The following PTPRT variants were observed in gnomAD, a reference collection of about 807,000 sequenced individuals.
PTPRT encodes receptor-type tyrosine-protein phosphatase T.
In PTPRT, 56 loss-of-function variants were observed where a neutral mutation model predicts 176.8. That is an observed-to-expected ratio of 0.32 (90% CI 0.26 to 0.40). PTPRT has a LOEUF of 0.40. Among genes scored for constraint, PTPRT ranks in the 10% least tolerant of loss-of-function variants. The probability of loss-of-function intolerance (pLI) is 1.00; values close to 1 mark genes in which losing one functional copy is unlikely to be tolerated. For missense variants in PTPRT, 1,540 were observed against 1,908.2 expected (o/e 0.81, Z 3.60); for synonymous variants, 783 against 739.0 (o/e 1.06, Z -0.96).
rs539714964 is a variant in PTPRT, at chr20:42,704,313, C to T, written c.860-26154G>A. ...CCCAAATCCCTTAACACTGTCTTGC[C>T]GAGACACCCCATGGTTCTCTGTGGT... is the stretch of plus-strand genomic sequence containing the variant. On this transcript the variant is annotated intron_variant, in intron 6 of 30. Coordinates refer to ENST00000373187, the MANE Select transcript of PTPRT (RefSeq NM_007050.6). Among the ~76,000 whole-genome samples the T allele has an allele frequency of 7.9e-5, 12 of 151,940 alleles. 1 individual carries two copies. The South Asian group carries it at 1.7e-3, about 21-fold the overall frequency.
chr20:42,655,695 G>T (rs1204764964), intron 7 of PTPRT, among the ~76,000 whole-genome samples: 1 of 151,520 alleles, frequency 6.6e-6, no homozygotes, highest in East Asian at 1.9e-4. Context: ...GGGTGTAAAG[G>T]CTAAGGATGG....
intron 2 of PTPRT, among the ~76,000 whole-genome samples, chr20:42,838,532 T>C (rs1477846347): frequency 2.0e-5 from 3 of 152,170 alleles, no homozygotes; most frequent in Non-Finnish European, 2.9e-5. Flanking sequence ...GATCCCTGTA[T>C]TGTATGGGCT....
chr20:42,068,692 A>G (rs1982186207), downstream of PTPRT, among the ~76,000 whole-genome samples: 1 of 152,196 alleles, frequency 6.6e-6, no homozygotes, highest in Non-Finnish European at 1.5e-5. Flanking sequence ...ACCACTGATT[A>G]CGATTCTCAT....
At chr20:42,875,323 G>T (rs1034931071) in intron 2 of PTPRT, among the ~76,000 whole-genome samples, 1 of 152,124 alleles carries the variant, frequency 6.6e-6, no homozygotes, top group Admixed American at 6.5e-5. Context: ...CATATCCTCC[G>T]GAATAATTAC....
chr20:42,442,938 C>G (rs1406219336), intron 9 of PTPRT, among the ~76,000 whole-genome samples: 1 of 152,174 alleles, frequency 6.6e-6, no homozygotes, highest in Non-Finnish European at 1.5e-5. Flanking sequence ...TTCCCAAGAG[C>G]TGAGTCAGAA....
At chr20:42,359,989 A>T in intron 9 of PTPRT, among the ~76,000 whole-genome samples, 1 of 152,172 alleles carries the variant, frequency 6.6e-6, no homozygotes, top group East Asian at 1.9e-4. Flanking sequence ...CTGATTTCCA[A>T]TCAATGCCCT....
intron 12 of PTPRT, among the ~76,000 whole-genome samples, chr20:42,298,740 G>T (rs749065956): frequency 9.9e-5 from 15 of 152,104 alleles, no homozygotes; most frequent in Non-Finnish European, 1.5e-4. Flanking sequence ...GGCCAACATG[G>T]TTAAACCCTG....
chr20:42,832,738 A>G (rs1163374991), intron 2 of PTPRT, among the ~76,000 whole-genome samples: 1 of 146,842 alleles, frequency 6.8e-6, no homozygotes, highest in Non-Finnish European at 1.5e-5. Context: ...AAAAGCAAAG[A>G]AAAAAAAACA....
chr20:42,248,708 A>G lies in PTPRT; in HGVS notation c.2291T>C (p.Val764Ala). The G allele has an allele frequency of 6.2e-7, 1 of 1,613,990 alleles. No homozygotes were observed. Among genetic ancestry groups the G allele is most frequent in the Non-Finnish European group, 8.5e-7 (1 of 1,179,922 alleles). Residue 764 changes from valine (V) to alanine (A), a missense_variant, in exon 14 of 31, where the codon GTG (valine) becomes GCG (alanine). Val to Ala is a moderately conservative substitution (Grantham distance 64). Coordinates refer to ENST00000373187, the MANE Select transcript of PTPRT (RefSeq NM_007050.6). ...LLMFIIILLG[V>A]MLTIKRRRNA... Reference sequence around the variant, plus strand: ...TCACCTCCTTTTGATGGTGAGCATCACGCCCAGGAGAATGATGATGAACAT... The same window carrying G: ...TCACCTCCTTTTGATGGTGAGCATCGCGCCCAGGAGAATGATGATGAACAT...
intron 19 of PTPRT, among the ~76,000 whole-genome samples, chr20:42,124,512 G>T (rs1050614695): frequency 1.3e-5 from 2 of 152,182 alleles, no homozygotes; most frequent in East Asian, 3.9e-4. Flanking sequence ...CACGGCCTCC[G>T]GAGGCAGAGA....
At chr20:42,043,410 T>C in the PTPRT span, among the ~76,000 whole-genome samples, 4 of 152,320 alleles carry the variant, frequency 2.6e-5, no homozygotes, top group Non-Finnish European at 4.4e-5. Context: ...CCCTTGCAAT[T>C]ATGTGAGACA....
chr20:42,995,897 G>T (rs1323936691), intron 1 of PTPRT, among the ~76,000 whole-genome samples: 2 of 151,886 alleles, frequency 1.3e-5, no homozygotes. Flanking sequence ...GCTCACTGCA[G>T]CCTCGACTCC....
chr20:42,752,335 C>T (rs11907425), intron 6 of PTPRT, among the ~76,000 whole-genome samples: 4,415 of 152,314 alleles, frequency 0.029, 140 homozygotes, highest in African/African-American at 0.08. Flanking sequence ...ATCCTCATGA[C>T]GCCTTCTGAG....
chr20:42,393,787 T>C (rs1192768614), intron 9 of PTPRT, among the ~76,000 whole-genome samples: 1 of 152,200 alleles, frequency 6.6e-6, no homozygotes, highest in African/African-American at 2.4e-5. Flanking sequence ...GCCCTGTAAT[T>C]TTTAGTGTGC....
chr20:42,703,694 G>C (rs904978295), intron 6 of PTPRT, among the ~76,000 whole-genome samples: 2 of 152,152 alleles, frequency 1.3e-5, no homozygotes, highest in Non-Finnish European at 2.9e-5. Context: ...TCTCAAAGAG[G>C]GAAGGAACTT....
chr20:42,054,997 T>A, the PTPRT span, among the ~76,000 whole-genome samples: 3 of 152,318 alleles, frequency 2.0e-5, no homozygotes, highest in East Asian at 5.8e-4. Context: ...GACGACGAGT[T>A]AGTGGGTGCA....
intron 6 of PTPRT, among the ~76,000 whole-genome samples, chr20:42,692,850 C>T (rs1164672255): frequency 6.6e-6 from 1 of 151,978 alleles, no homozygotes; most frequent in African/African-American, 2.4e-5. Flanking sequence ...TAAAAAGTGC[C>T]ATTTACCCAA....
At chr20:42,529,762 C>T (rs891531227) in intron 7 of PTPRT, among the ~76,000 whole-genome samples, 4 of 148,256 alleles carry the variant, frequency 2.7e-5, no homozygotes, top group Non-Finnish European at 4.4e-5. Flanking sequence ...GCTGGGATTA[C>T]AGGGGTGAGC....
chr20:42,410,725 T>C (rs538476460), intron 9 of PTPRT, among the ~76,000 whole-genome samples: 17 of 151,948 alleles, frequency 1.1e-4, no homozygotes, highest in Non-Finnish European at 2.1e-4. Context: ...AGGAAATGTG[T>C]TTTCTGACTA....
Sources: allele counts gnomAD v4.1 joint callset (sites outside exome capture counted in the v4.1 genomes callset), GRCh38; gene constraint gnomAD v4.1.1; transcripts MANE v1.5; gene names NCBI Gene and HGNC (gene_info 2026-07-23, HGNC 2026-07-21).